Variants in SIPA1L3 observed in about 807,000 individuals in gnomAD.
The protein encoded by SIPA1L3 is signal-induced proliferation-associated 1-like protein 3.
A neutral mutation model predicts 150.1 loss-of-function variants in SIPA1L3; 59 were observed. The ratio of observed to expected loss-of-function variants is 0.39; its 90% CI spans 0.32 to 0.49. The LOEUF is 0.49. SIPA1L3 is among the 20% of genes least tolerant of loss of function. SIPA1L3 has a pLI of 0.86. For missense variants in SIPA1L3, 2,211 were observed against 2,489.5 expected (o/e 0.89, Z 2.38); for synonymous variants, 1,070 against 1,077.6 (o/e 0.99, Z 0.14).
At chr19:38,134,480 G>A (rs1386539586) in intron 10 of SIPA1L3, among the ~76,000 whole-genome samples, 2 of 149,236 alleles carry the variant, frequency 1.3e-5, no homozygotes, top group African/African-American at 4.9e-5. Flanking sequence ...AGGCCAAGGC[G>A]GGTGGATCAT....
intron 1 of SIPA1L3, among the ~76,000 whole-genome samples, chr19:38,015,514 A>C (rs1284678413): frequency 1.3e-5 from 2 of 152,024 alleles, no homozygotes; most frequent in Non-Finnish European, 2.9e-5. Context: ...GCTTGACCCC[A>C]GGAGTTTGAG....
Position 38,164,615 on chromosome 19 carries a change from C to G in SIPA1L3, c.3917C>G (p.Ser1306Cys), listed in dbSNP as rs886950706. Residue 1306 changes from serine to cysteine, a missense_variant, in exon 15 of 22, where the codon TCT (serine) becomes TGT (cysteine). Ser to Cys is a moderately radical substitution (Grantham distance 112). Around this residue, in one of 5 missense-constraint regions of SIPA1L3, gnomAD observed 806 missense variants for 870.1 expected, o/e 0.93. Transcript: ENST00000222345. This position sits in a 1 kb window ranked among gnomAD's most constrained non-coding sequence, Gnocchi z 4.1. Reference sequence around the variant, plus strand: ...CAAGACCCCCTCTCCAAGGGTGGCTCTAGTGACAGCGGCATCGACACCACC... The same window carrying G: ...CAAGACCCCCTCTCCAAGGGTGGCTGTAGTGACAGCGGCATCGACACCACC... ...PEQDPLSKGGSSDSGIDTTLY... is the reference protein window; with the variant it reads ...PEQDPLSKGGCSDSGIDTTLY... 6.2e-7 allele frequency: 1 copy of G among 1,613,900 alleles called. No homozygotes were observed. Among genetic ancestry groups the G allele is most frequent in the African/African-American group, 1.3e-5 (1 of 74,890 alleles).
rs182223407 is a variant in SIPA1L3 at position 38,122,879 on chromosome 19, G to A, written c.2868+2997G>A. On this transcript the variant is annotated intron_variant, in intron 9 of 21. Transcript: ENST00000222345. Reference sequence around the variant, plus strand: ...CATGTCGCCTTGTCGGTGAGGCCTCGTTATCTAAGATTGCACACCCCCTCC... The same window carrying A: ...CATGTCGCCTTGTCGGTGAGGCCTCATTATCTAAGATTGCACACCCCCTCC... 1.8e-4 allele frequency among the ~76,000 whole-genome samples: 27 copies of A among 152,148 alleles called. No homozygotes were observed. The East Asian group carries it at 3.1e-3, about 17-fold the overall frequency.
intron 16 of SIPA1L3, among the ~76,000 whole-genome samples, chr19:38,183,287 G>A (rs1484629970): frequency 2.6e-5 from 4 of 152,136 alleles, no homozygotes; most frequent in African/African-American, 9.7e-5. Context: ...GGCTGCGTGT[G>A]GGGAACAGCC....
At chr19:38,116,034 G>T (rs193137580) in intron 8 of SIPA1L3, among the ~76,000 whole-genome samples, 131 of 152,290 alleles carry the variant, frequency 8.6e-4, no homozygotes, top group Admixed American at 1.8e-3. Flanking sequence ...CTTTGGGTTG[G>T]AGTTTCATGG....
At chr19:38,006,568 T>C (rs1967943469) in intron 1 of SIPA1L3, among the ~76,000 whole-genome samples, 2 of 152,102 alleles carry the variant, frequency 1.3e-5, no homozygotes, top group African/African-American at 4.8e-5. Context: ...ACTCTGGGCG[T>C]AATAAGAGAA....
chr19:38,169,643 G>A (rs1384734483), intron 15 of SIPA1L3, among the ~76,000 whole-genome samples: 4 of 152,200 alleles, frequency 2.6e-5, no homozygotes, highest in Non-Finnish European at 4.4e-5. Context: ...GGGTATGAGG[G>A]TGTATTTGAA....
At chr19:38,006,812 A>T (rs1313555229) in intron 1 of SIPA1L3, among the ~76,000 whole-genome samples, 1 of 152,172 alleles carries the variant, frequency 6.6e-6, no homozygotes, top group Non-Finnish European at 1.5e-5. Context: ...AGCTTCACCT[A>T]CACATGTTCC....
chr19:38,012,272 A>G (rs1469474053), intron 1 of SIPA1L3, among the ~76,000 whole-genome samples: 4 of 150,842 alleles, frequency 2.7e-5, no homozygotes, highest in Non-Finnish European at 5.9e-5. Context: ...TTTGGTAGAG[A>G]TGGGGGTCTC....
intron 1 of SIPA1L3, among the ~76,000 whole-genome samples, chr19:37,984,963 C>T (rs1473883170): frequency 2.0e-5 from 3 of 152,164 alleles, no homozygotes; most frequent in Non-Finnish European, 2.9e-5. Flanking sequence ...TGTTTCAAGG[C>T]CCAGGTATGC....
intron 1 of SIPA1L3, among the ~76,000 whole-genome samples, chr19:37,933,213 G>T (rs914677861): frequency 1.7e-4 from 26 of 150,482 alleles, no homozygotes; most frequent in Middle Eastern, 3.4e-3. Context: ...CTGTACCCCA[G>T]CTGCACTGGC....
rs755582528 is a variant in SIPA1L3 at position 38,193,729 on chromosome 19, G to C, written c.4789G>C (p.Val1597Leu). ...RRQHQHPHPP[V>L]GPGATPAAGS... ...CCAGCACCAGCACCCCCACCCGCCC[G>C]TCGGCCCCGGTGCCACCCCTGCCGC... Residue 1597 changes from valine to leucine, a missense_variant, in exon 18 of 22, where the codon GTC (valine) becomes CTC (leucine). Val to Leu is a conservative substitution (Grantham distance 32, BLOSUM62 1). This residue lies in a region of SIPA1L3 where 806 missense variants were observed against 870.1 expected (regional missense o/e 0.93). Coordinates refer to ENST00000222345, the MANE Select transcript of SIPA1L3 (RefSeq NM_015073.3). 1.9e-6 allele frequency: 3 copies of C among 1,567,508 alleles called. No homozygotes were observed. The highest frequency in any genetic ancestry group is 2.7e-5 in the African/African-American group (2 of 73,250).
At chr19:38,066,403 T>A (rs61355521) in intron 2 of SIPA1L3, among the ~76,000 whole-genome samples, 14,918 of 152,206 alleles carry the variant, frequency 0.098, 894 homozygotes, top group Non-Finnish European at 0.14. Context: ...TGGTGGGCAT[T>A]TGGGCTGTTC....
intron 8 of SIPA1L3, among the ~76,000 whole-genome samples, chr19:38,115,205 G>A (rs1053447456): frequency 1.3e-4 from 20 of 152,292 alleles, no homozygotes; most frequent in Admixed American, 2.0e-4. Context: ...GGAGAGGGGC[G>A]GCCCAACAGG....
chr19:37,942,560 C>T (rs75415829), intron 1 of SIPA1L3, among the ~76,000 whole-genome samples: 126 of 16,334 alleles, frequency 7.7e-3, no homozygotes, highest in Non-Finnish European at 0.013. Context: ...ACGGGGGTGG[C>T]GGGGGAGCCT....
intron 15 of SIPA1L3, among the ~76,000 whole-genome samples, chr19:38,171,553 C>T (rs954626368): frequency 6.6e-6 from 1 of 151,704 alleles, no homozygotes; most frequent in Admixed American, 6.6e-5. Flanking sequence ...CCACCACGCC[C>T]GGCTAATTTT....
chr19:38,082,641 G>T lies in SIPA1L3; in HGVS notation c.1076G>T (p.Arg359Met). 1 of 1,606,480 alleles carries T rather than the reference G, an allele frequency of 6.2e-7. No homozygotes were observed. Among genetic ancestry groups the T allele is most frequent in the Non-Finnish European group, 8.5e-7 (1 of 1,179,744 alleles). ...GACCTCAACGAGGCGGCCGCCAACA[G>T]GGTGTCGGTGTCGCAGCGGCGGAAC... is the stretch of plus-strand genomic sequence containing the variant. ...LFDLNEAAANRVSVSQRRNTT... is the reference protein window; with the variant it reads ...LFDLNEAAANMVSVSQRRNTT... The change falls in exon 3 of 22, where the codon AGG becomes ATG. Residue 359 changes from arginine to methionine, a missense_variant. By Grantham distance (91) the Arg-to-Met change is moderately conservative. This residue lies in a region of SIPA1L3 where 587 missense variants were observed against 534.5 expected (regional missense o/e 1.10). Transcript: ENST00000222345.
chr19:38,048,819 G>A (rs137882719), intron 2 of SIPA1L3, among the ~76,000 whole-genome samples: 169 of 152,256 alleles, frequency 1.1e-3, no homozygotes, highest in South Asian at 0.01. Flanking sequence ...GGCTGGGCGC[G>A]GTGGCTCACA....
At chr19:37,943,871 C>T (rs1007893705) in intron 1 of SIPA1L3, among the ~76,000 whole-genome samples, 6 of 152,026 alleles carry the variant, frequency 3.9e-5, no homozygotes, top group Non-Finnish European at 8.8e-5. Context: ...GCGTTTAGGC[C>T]TCTTGACAAG....
Sources: allele counts gnomAD v4.1 joint callset (sites outside exome capture counted in the v4.1 genomes callset), GRCh38; gene constraint gnomAD v4.1.1; regional missense constraint gnomAD v4.1.1; non-coding constraint Gnocchi (gnomAD v3.1); transcripts MANE v1.5; gene names NCBI Gene and HGNC (gene_info 2026-07-23, HGNC 2026-07-21).